Variants in SUPV3L1 observed in about 807,000 individuals in gnomAD.
SUPV3L1 encodes the protein ATP-dependent RNA helicase SUPV3L1, mitochondrial.
In SUPV3L1, 35 loss-of-function variants were observed where a neutral mutation model predicts 70.0. The ratio of observed to expected loss-of-function variants is 0.50; its 90% CI spans 0.38 to 0.66. SUPV3L1 has a LOEUF of 0.66. SUPV3L1 is among the 30% of genes least tolerant of loss of function. The probability of loss-of-function intolerance (pLI) is 0.00; values close to 1 mark genes in which losing one functional copy is unlikely to be tolerated. For synonymous variants in SUPV3L1, 364 were observed against 341.9 expected, an observed-to-expected ratio of 1.06 and a Z score of -0.71; for missense variants, 777 against 961.5, an observed-to-expected ratio of 0.81 and a Z score of 2.54.
chr10:69,182,781 A>G, intron 1 of SUPV3L1: 1 of 701,782 alleles, frequency 1.4e-6, no homozygotes, highest in Non-Finnish European at 1.8e-6. Flanking sequence ...CATGTGGTTA[A>G]GGTGTCAGAT....
At chr10:69,195,734 C>A (rs1291699802) in intron 7 of SUPV3L1, among the ~76,000 whole-genome samples, 2 of 151,984 alleles carry the variant, frequency 1.3e-5, no homozygotes, top group African/African-American at 4.8e-5. Context: ...CAGTAAAAAT[C>A]TTTGTGGCCA....
At chr10:69,203,107 C>G in intron 13 of SUPV3L1, 64 bp downstream of exon 13, 1 of 1,470,760 alleles carries the variant, frequency 6.8e-7, no homozygotes. Flanking sequence ...CCAAACAGTA[C>G]TTTGTTATTC....
chr10:69,191,299 C>T (rs921966412), intron 5 of SUPV3L1, among the ~76,000 whole-genome samples: 3 of 144,850 alleles, frequency 2.1e-5, no homozygotes, highest in Non-Finnish European at 3.0e-5. Flanking sequence ...GGCATGATCT[C>T]GGCTCACTGA....
chr10:69,192,007 A>G (rs906243518), intron 6 of SUPV3L1: 1 of 315,154 alleles, frequency 3.2e-6, no homozygotes, highest in South Asian at 3.9e-5. Context: ...GGGTTTCTCC[A>G]TGTTGGTCAG....
chr10:69,187,506 C>T (rs1842265133), intron 3 of SUPV3L1, 136 bp from the exon 4 acceptor site: 1 of 583,078 alleles, frequency 1.7e-6, no homozygotes, highest in Non-Finnish European at 3.0e-6. Flanking sequence ...ACGTGAGCTA[C>T]TGTGCCCAGA....
At position 69,197,112 on chromosome 10, in the gene SUPV3L1, G is replaced by T. The variant is rs368411876; in HGVS notation, c.1023+29G>T. The T allele has an allele frequency of 2.2e-5, 36 of 1,601,832 alleles. 1 individual carries two copies. Among genetic ancestry groups the T allele is most frequent in the Non-Finnish European group, 2.9e-5 (34 of 1,169,008 alleles). ...TTCGATTAGATGCTTTGTTCTCCAG[G>T]TGGCATATCAAATAGTCCAGAGTAC... On this transcript the variant is annotated intron_variant, in intron 8 of 14. Transcript: ENST00000359655.
intron 4 of SUPV3L1, 64 bp downstream of exon 4, chr10:69,187,820 TA>T: frequency 9.4e-7 from 1 of 1,069,134 alleles, no homozygotes; most frequent in Non-Finnish European, 1.4e-6. Context: ...TCGTGGTCAT[TA>T]TTTTTTTTTA....
intron 10 of SUPV3L1, among the ~76,000 whole-genome samples, chr10:69,199,700 A>G (rs560368932): frequency 1.3e-5 from 2 of 151,858 alleles, no homozygotes; most frequent in African/African-American, 4.8e-5. Context: ...GGACGTTTGA[A>G]TGCTGCCCAC....
rs1441973651 is a variant in SUPV3L1, at chr10:69,180,362, TCTG to T, written c.74_76del (p.Cys25del). 3 of 1,614,100 alleles carry T rather than the reference TCTG, an allele frequency of 1.9e-6. No individual in the cohort carries two copies. In the East Asian group the frequency reaches 6.7e-5, roughly 36 times the overall value. Reference sequence around the variant, plus strand: ...CGCCAGGCTGGCCACCGGGCAGCCATCTGCTCTGCCCTTCGTCCCCACTTTGGG... The same window carrying T: ...CGCCAGGCTGGCCACCGGGCAGCCATCTCTGCCCTTCGTCCCCACTTTGGG... On this transcript the variant is annotated inframe_deletion, in exon 1 of 15. Coordinates refer to ENST00000359655, the MANE Select transcript of SUPV3L1 (RefSeq NM_003171.5).
At chr10:69,192,491 C>T (rs556563579) in intron 6 of SUPV3L1, 82 of 152,218 alleles carry the variant, frequency 5.4e-4, no homozygotes, top group African/African-American at 1.8e-3. Context: ...TATTATTGTT[C>T]TACCACTTGC....
chr10:69,200,482 C>G lies in SUPV3L1; in HGVS notation c.1501C>G (p.Pro501Ala), dbSNP rs1414555343. ...TTTATTAAAGGAAATTTTGAAGAGG[C>G]CTGTGGATCCTATAAGGGTAAGAGG... is the stretch of plus-strand genomic sequence containing the variant. ...LSLLKEILKRPVDPIRAAGLH... is the reference protein window; with the variant it reads ...LSLLKEILKRAVDPIRAAGLH... The change falls in exon 11 of 15, where the codon CCT becomes GCT. Residue 501 changes from proline to alanine, a missense_variant. Around this residue, in one of 2 missense-constraint regions of SUPV3L1, gnomAD observed 619 missense variants for 823.3 expected, o/e 0.75. Transcript: ENST00000359655. The G allele has an allele frequency of 6.2e-7, 1 of 1,613,350 alleles. No homozygotes were observed. The highest frequency in any genetic ancestry group is 1.3e-5 in the African/African-American group (1 of 74,812).
intron 13 of SUPV3L1, among the ~76,000 whole-genome samples, chr10:69,203,873 G>A (rs182429073): frequency 1.2e-3 from 178 of 151,832 alleles, no homozygotes; most frequent in Non-Finnish European, 1.8e-3. Context: ...CTACAGGCAT[G>A]TGCCACCATG....
chr10:69,199,134 A>G lies in SUPV3L1; in HGVS notation c.1235A>G (p.Asn412Ser), dbSNP rs1168497158. 3.1e-6 allele frequency: 5 copies of G among 1,612,006 alleles called. No homozygotes were observed. Among genetic ancestry groups the G allele is most frequent in the Non-Finnish European group, 1.7e-6 (2 of 1,179,444 alleles). ...GTKLAQAKKFNDPNDPCKILV... is the reference protein window; with the variant it reads ...GTKLAQAKKFSDPNDPCKILV... ...AAACTTGCTCAAGCAAAAAAGTTTA[A>G]TGATCCCAATGACCCATGCAAAATC... The change falls in exon 10 of 15, where the codon AAT becomes AGT. Residue 412 changes from asparagine (N) to serine (S), a missense_variant. Physicochemically the swap from Asn to Ser is conservative, Grantham distance 46. This residue lies in a region of SUPV3L1 where 619 missense variants were observed against 823.3 expected (regional missense o/e 0.75). Coordinates refer to ENST00000359655, the MANE Select transcript of SUPV3L1 (RefSeq NM_003171.5).
intron 1 of SUPV3L1, among the ~76,000 whole-genome samples, chr10:69,183,856 C>G (rs974892784): frequency 1.4e-5 from 2 of 146,406 alleles, no homozygotes; most frequent in African/African-American, 2.5e-5. Context: ...TAGCAAGTCA[C>G]TCTCTAGTTC....
intron 1 of SUPV3L1, among the ~76,000 whole-genome samples, chr10:69,183,624 G>A (rs371831846): frequency 1.3e-5 from 2 of 152,272 alleles, no homozygotes; most frequent in East Asian, 3.9e-4. Flanking sequence ...AGAGGTTGCA[G>A]TGAGCCGAGA....
At chr10:69,182,719 G>A (rs1266487887) in intron 1 of SUPV3L1, 3 of 979,558 alleles carry the variant, frequency 3.1e-6, no homozygotes, top group Non-Finnish European at 3.6e-6. Context: ...TGATTTTTCA[G>A]CATGGCAGGA....
At position 69,186,362 on chromosome 10, in the gene SUPV3L1, T is replaced by C. The variant is rs1842233372; in HGVS notation, c.350-81T>C. 3 of 1,030,552 alleles carry C rather than the reference T, an allele frequency of 2.9e-6. No individual in the cohort carries two copies. The South Asian group carries it at 4.2e-5, about 14-fold the overall frequency. 63.8% of individuals were successfully genotyped at this position (1,030,552 alleles called of 1,614,324 possible). A position where few individuals can be genotyped will look rare whatever the true frequency, so the allele number is the denominator to read the frequency against. On this transcript the variant is annotated intron_variant, in intron 2 of 14. Coordinates refer to ENST00000359655, the MANE Select transcript of SUPV3L1 (RefSeq NM_003171.5). ...AAAAAAAAGAAAAAAAAAGACTCTT[T>C]GATGAGTTTGGTGTGGTGTGTCTGT... is the stretch of plus-strand genomic sequence containing the variant.
rs184541858 is a variant in SUPV3L1, at chr10:69,191,083, A to G, written c.742-572A>G. 3.3e-5 allele frequency among the ~76,000 whole-genome samples: 5 copies of G among 152,338 alleles called. No individual in the cohort carries two copies. The East Asian group carries it at 9.6e-4, about 29-fold the overall frequency. The stretch of plus-strand genomic sequence containing the variant: ...AAGTCAAATAGTTCAGAGATGTACA[A>G]AGTTAAAATGTGAAACTGCTGCAGT... On this transcript the variant is annotated intron_variant, in intron 5 of 14. Transcript: ENST00000359655.
chr10:69,197,169 G>A, intron 8 of SUPV3L1, 86 bp downstream of exon 8: 1 of 1,043,006 alleles, frequency 9.6e-7, no homozygotes, highest in South Asian at 1.3e-5. Flanking sequence ...CCTAGATAAT[G>A]CCAGCGTCAG....
Sources: gnomAD v4.1 joint callset for allele counts (sites outside exome capture counted in the v4.1 genomes callset) on GRCh38, gnomAD v4.1.1 for gene constraint, gnomAD v4.1.1 regional missense constraint, MANE v1.5 for transcripts, NCBI Gene and HGNC (gene_info 2026-07-23, HGNC 2026-07-21) for gene names.